Variants in RALGAPA2 observed in about 807,000 individuals in gnomAD.
RALGAPA2 encodes the protein ral GTPase-activating protein subunit alpha-2.
RALGAPA2 carries 139 observed loss-of-function variants against 230.4 expected under a neutral mutation model. The observed-to-expected ratio is 0.60, with a 90% CI of 0.53 to 0.69. RALGAPA2 has a LOEUF of 0.69. Ranked by LOEUF, RALGAPA2 falls within the 30% of genes least tolerant of loss-of-function variation. The pLI is 0.00. For missense variants in RALGAPA2, 2,163 were observed against 2,276.0 expected (o/e 0.95, Z 1.01); for synonymous variants, 847 against 837.8 (o/e 1.01, Z -0.19).
chr20:20,628,135 T>C (rs1004239319), intron 10 of RALGAPA2, among the ~76,000 whole-genome samples: 2 of 152,196 alleles, frequency 1.3e-5, no homozygotes, highest in Non-Finnish European at 2.9e-5. Flanking sequence ...TTCATTAAAA[T>C]GAAAATATGG....
chr20:20,529,023 C>G (rs540149232), intron 27 of RALGAPA2, among the ~76,000 whole-genome samples: 2 of 152,180 alleles, frequency 1.3e-5, no homozygotes, highest in African/African-American at 4.8e-5. Context: ...CTCATTTCTT[C>G]GATTTATGTG....
Position 20,546,840 on chromosome 20 carries a change from G to T in RALGAPA2, c.3157-8C>A. The T allele has an allele frequency of 1.3e-6, 2 of 1,566,268 alleles. No individual in the cohort carries two copies. Among genetic ancestry groups the T allele is most frequent in the Non-Finnish European group, 1.7e-6 (2 of 1,163,386 alleles). On this transcript the variant is annotated splice_region_variant and splice_polypyrimidine_tract_variant and intron_variant, in intron 23 of 39. Transcript: ENST00000202677. ...GATCGTATTTAAGATATCCTAAAAG[G>T]GAAGATAAGAAAAAACACAATCGTA...
chr20:20,401,093 T>C (rs1194026313), intron 38 of RALGAPA2, among the ~76,000 whole-genome samples: 3 of 152,126 alleles, frequency 2.0e-5, no homozygotes, highest in Non-Finnish European at 1.5e-5. Flanking sequence ...GTTATAGAAT[T>C]TGATTGTGGT....
intron 23 of RALGAPA2, among the ~76,000 whole-genome samples, chr20:20,557,659 G>A (rs1448083692): frequency 2.0e-5 from 3 of 152,072 alleles, no homozygotes; most frequent in Non-Finnish European, 4.4e-5. Flanking sequence ...TCTAGGTTAG[G>A]CCCCACCTGC....
chr20:20,632,281 C>T lies in RALGAPA2; in HGVS notation c.1006-2691G>A, dbSNP rs1336863023. On this transcript the variant is annotated intron_variant, in intron 9 of 39. Transcript: ENST00000202677. ...TCCTGACCTCGTGATCCGCCCGCCT[C>T]GGCCTCCCAAAGTGCTGGGATTACA... Among the ~76,000 whole-genome samples, 8 of 152,046 alleles carry T rather than the reference C, an allele frequency of 5.3e-5. No homozygotes were observed. In the East Asian group the frequency reaches 7.7e-4, roughly 15 times the overall value.
intron 37 of RALGAPA2, among the ~76,000 whole-genome samples, chr20:20,468,068 AG>A (rs1380827069): frequency 2.6e-5 from 4 of 152,042 alleles, no homozygotes; most frequent in Non-Finnish European, 5.9e-5. Flanking sequence ...CTCTACTGAA[AG>A]CTCATTACTT....
chr20:20,690,156 G>C (rs1043895486), intron 1 of RALGAPA2, among the ~76,000 whole-genome samples: 3 of 152,188 alleles, frequency 2.0e-5, no homozygotes, highest in Admixed American at 6.5e-5. Flanking sequence ...CTTTCAATCT[G>C]CACCCACTTT....
At chr20:20,416,623 C>T (rs2060170450) in intron 37 of RALGAPA2, among the ~76,000 whole-genome samples, 1 of 152,162 alleles carries the variant, frequency 6.6e-6, no homozygotes, top group Admixed American at 6.5e-5. Flanking sequence ...AACCTGAGTG[C>T]GTATGTGTAA....
intron 23 of RALGAPA2, among the ~76,000 whole-genome samples, chr20:20,549,902 T>C (rs2063876417): frequency 6.6e-6 from 1 of 152,230 alleles, no homozygotes; most frequent in Non-Finnish European, 1.5e-5. Flanking sequence ...ACATGAGTCA[T>C]TCATGTGCAA....
intron 3 of RALGAPA2, among the ~76,000 whole-genome samples, chr20:20,670,949 CAA>C (rs576675004): frequency 0.015 from 861 of 55,860 alleles, 5 homozygotes; most frequent in African/African-American, 0.049. Flanking sequence ...GACTCCGTCT[CAA>C]AAAAAAAAAA....
At chr20:20,423,835 C>T (rs748544609) in intron 37 of RALGAPA2, among the ~76,000 whole-genome samples, 21 of 152,120 alleles carry the variant, frequency 1.4e-4, no homozygotes, top group Non-Finnish European at 2.5e-4. Flanking sequence ...GGAAATTAAA[C>T]ACATGGAGGT....
At chr20:20,574,460 G>T (rs2064755870) in intron 20 of RALGAPA2, among the ~76,000 whole-genome samples, 1 of 152,164 alleles carries the variant, frequency 6.6e-6, no homozygotes, top group Admixed American at 6.6e-5. Context: ...TTAAGTTATA[G>T]AATTTTGTTC....
intron 3 of RALGAPA2, among the ~76,000 whole-genome samples, chr20:20,657,678 C>A (rs998602461): frequency 1.3e-5 from 2 of 152,186 alleles, no homozygotes; most frequent in Non-Finnish European, 1.5e-5. Context: ...AGTGCCTGGG[C>A]AAACGGCACA....
rs1208682332 is a variant in RALGAPA2, at chr20:20,437,932, T to C, written c.5496-25784A>G. Among the ~76,000 whole-genome samples the C allele has an allele frequency of 6.6e-6, 1 of 152,170 alleles. No individual in the cohort carries two copies. Among genetic ancestry groups the C allele is most frequent in the East Asian group, 1.9e-4 (1 of 5,190 alleles). On this transcript the variant is annotated intron_variant, in intron 37 of 39. Transcript: ENST00000202677. The surrounding 1 kb of genome is among the most constrained non-coding windows in gnomAD (Gnocchi z 4.1). ...AAACCACTCTCGCAGGCTAGCTGGC[T>C]GAAGGAACAACACTGCAGTGGTTCC...
At chr20:20,458,711 CACCT>C (rs1310788185) in intron 37 of RALGAPA2, among the ~76,000 whole-genome samples, 1 of 116,466 alleles carries the variant, frequency 8.6e-6, no homozygotes, top group African/African-American at 3.3e-5. Flanking sequence ...TACACACACA[CACCT>C]ATATATATAT....
intron 14 of RALGAPA2, among the ~76,000 whole-genome samples, chr20:20,608,981 T>C (rs1195542988): frequency 6.6e-6 from 1 of 152,196 alleles, no homozygotes; most frequent in Non-Finnish European, 1.5e-5. Flanking sequence ...CTCTTCACTA[T>C]TTTTTATGGT....
chr20:20,548,125 CCA>C (rs58279852), intron 23 of RALGAPA2, among the ~76,000 whole-genome samples: 3,275 of 147,776 alleles, frequency 0.022, 113 homozygotes, highest in African/African-American at 0.075. Context: ...AGCAAAATCT[CCA>C]CACACACACA....
At chr20:20,639,033 G>GT (rs2066946783) in intron 7 of RALGAPA2, among the ~76,000 whole-genome samples, 1 of 152,192 alleles carries the variant, frequency 6.6e-6, no homozygotes, top group South Asian at 2.1e-4. Flanking sequence ...AGCAAAACCT[G>GT]AAGTGTGCCC....
At chr20:20,579,397 T>A (rs374189257) in intron 20 of RALGAPA2, among the ~76,000 whole-genome samples, 3 of 152,142 alleles carry the variant, frequency 2.0e-5, no homozygotes, top group Admixed American at 2.0e-4. Flanking sequence ...TGCATTCCAG[T>A]AGAGAAAGAC....
Sources: allele counts gnomAD v4.1 joint callset (sites outside exome capture counted in the v4.1 genomes callset), GRCh38; gene constraint gnomAD v4.1.1; non-coding constraint Gnocchi (gnomAD v3.1); transcripts MANE v1.5; gene names NCBI Gene and HGNC (gene_info 2026-07-23, HGNC 2026-07-21).